Variants in PLD1 observed in about 807,000 individuals in gnomAD.
PLD1 encodes the protein phospholipase D1.
Under a neutral mutation model 137.1 loss-of-function variants are expected in PLD1, and 112 were observed. The observed-to-expected ratio is 0.82, with a 90% CI of 0.70 to 0.96. The LOEUF (loss-of-function observed/expected upper bound fraction) is 0.96, where lower values mean the gene tolerates loss of function less well. PLD1 is among the 40% of genes least tolerant of loss of function. The pLI is 0.00. For synonymous variants in PLD1, 431 were observed against 454.7 expected (o/e 0.95, Z 0.66); for missense variants, 1,321 against 1,342.0 (o/e 0.98, Z 0.24).
At chr3:171,614,477 C>T (rs1276098264) in intron 24 of PLD1, among the ~76,000 whole-genome samples, 1 of 152,184 alleles carries the variant, frequency 6.6e-6, no homozygotes, top group Non-Finnish European at 1.5e-5. Context: ...CATGTGAAAG[C>T]ACTTAATGAT....
At chr3:171,675,264 T>C (rs1713234078) in intron 18 of PLD1, among the ~76,000 whole-genome samples, 1 of 152,184 alleles carries the variant, frequency 6.6e-6, no homozygotes, top group African/African-American at 2.4e-5. Flanking sequence ...TCTAGATATC[T>C]TGTCACAGCA....
At position 171,724,678 on chromosome 3, in the gene PLD1, A is replaced by G; in HGVS notation, c.758+18T>C. ...GTGTATTAAAACAAACAAATACACA[A>G]AACTCACTAATTCCTACCTTTTTGA... On this transcript the variant is annotated intron_variant, in intron 8 of 26. Transcript: ENST00000351298. 6.8e-7 allele frequency: 1 copy of G among 1,470,770 alleles called. No individual in the cohort carries two copies. The highest frequency in any genetic ancestry group is 9.5e-7 in the Non-Finnish European group (1 of 1,049,608). The allele number at this position is 1,470,770 out of a possible 1,614,324, so 91.1% of individuals were successfully genotyped here.
At chr3:171,763,870 T>C (rs1721624808) in intron 1 of PLD1, among the ~76,000 whole-genome samples, 1 of 145,332 alleles carries the variant, frequency 6.9e-6, no homozygotes, top group Non-Finnish European at 1.5e-5. Flanking sequence ...AGTCTTGCTC[T>C]GTCTCCATGC....
intron 11 of PLD1, among the ~76,000 whole-genome samples, chr3:171,706,164 A>G (rs1483597305): frequency 6.6e-6 from 1 of 151,636 alleles, no homozygotes; most frequent in Non-Finnish European, 1.5e-5. Context: ...CTATCTATCT[A>G]TCTACAACTG....
intron 21 of PLD1, chr3:171,653,868 C>T (rs762020083): frequency 3.4e-5 from 6 of 176,784 alleles, no homozygotes; most frequent in Non-Finnish European, 7.3e-5. Context: ...GAAGAAACAG[C>T]GTGTCAGAAG....
chr3:171,723,840 T>C (rs1375182907), intron 8 of PLD1, among the ~76,000 whole-genome samples: 1 of 152,160 alleles, frequency 6.6e-6, no homozygotes, highest in Non-Finnish European at 1.5e-5. Context: ...TCCTATAGAG[T>C]TCTTTCTGGT....
chr3:171,681,900 G>A (rs555961294), intron 16 of PLD1, among the ~76,000 whole-genome samples: 1 of 152,082 alleles, frequency 6.6e-6, no homozygotes, highest in East Asian at 1.9e-4. Context: ...CAACTAAATT[G>A]CAAAAATAAT....
rs368438811 is a variant in PLD1 at position 171,734,073 on chromosome 3, A to C, written c.541-564T>G. ...TCATATTGACCATGATGTAAAATCC[A>C]GCATGCTTTTGCTGAATCACTAAGT... On this transcript the variant is annotated intron_variant, in intron 5 of 26. Transcript: ENST00000351298. 2.6e-5 allele frequency among the ~76,000 whole-genome samples: 4 copies of C among 152,342 alleles called. No individual in the cohort carries two copies. The East Asian group carries it at 7.7e-4, about 29-fold the overall frequency.
At chr3:171,648,843 C>T (rs1305638401) in intron 21 of PLD1, among the ~76,000 whole-genome samples, 1 of 152,208 alleles carries the variant, frequency 6.6e-6, no homozygotes, top group Non-Finnish European at 1.5e-5. Flanking sequence ...CGTGAGCCAC[C>T]GCACCTGGCC....
intron 1 of PLD1, among the ~76,000 whole-genome samples, chr3:171,743,045 A>G (rs1173690121): frequency 6.6e-6 from 1 of 152,132 alleles, no homozygotes; most frequent in Non-Finnish European, 1.5e-5. Flanking sequence ...AGATCAAATG[A>G]CCTAGAATTG....
Position 171,709,994 on chromosome 3 carries a change from A to C in PLD1, c.912-285T>G, listed in dbSNP as rs77353010. ...TGAGGAGGATAAAGAAAGAGGGGTA[A>C]GGTGAGGTTCTATTTTTAAGTATTA... On this transcript the variant is annotated intron_variant, in intron 9 of 26. Transcript: ENST00000351298. Among the ~76,000 whole-genome samples the C allele has an allele frequency of 5.8e-3, 878 of 152,266 alleles. 7 individuals are homozygous for C. The highest frequency in any genetic ancestry group is 0.02 in the African/African-American group (844 of 41,560).
intron 10 of PLD1, 52 bp downstream of exon 10, chr3:171,709,507 GT>G: frequency 6.6e-7 from 1 of 1,509,478 alleles, no homozygotes; most frequent in Non-Finnish European, 9.2e-7. Flanking sequence ...TTAGGCCAGT[GT>G]AATATTAGAT....
At chr3:171,658,482 T>C (rs988890997) in intron 21 of PLD1, among the ~76,000 whole-genome samples, 2 of 151,990 alleles carry the variant, frequency 1.3e-5, no homozygotes, top group Non-Finnish European at 2.9e-5. Flanking sequence ...TAAAAAGAAA[T>C]GAAATACTGA....
intron 11 of PLD1, among the ~76,000 whole-genome samples, chr3:171,702,358 C>G (rs1172604295): frequency 2.0e-5 from 3 of 151,726 alleles, no homozygotes; most frequent in Non-Finnish European, 4.4e-5. Flanking sequence ...CATGGTGGCT[C>G]ATGTCTGTAG....
chr3:171,758,103 T>G (rs940763938), intron 1 of PLD1, among the ~76,000 whole-genome samples: 1 of 152,228 alleles, frequency 6.6e-6, no homozygotes, highest in African/African-American at 2.4e-5. Flanking sequence ...AGATGTTCAA[T>G]AAATGCTTCC....
chr3:171,623,213 A>G (rs1467647528), intron 23 of PLD1, among the ~76,000 whole-genome samples: 2 of 152,106 alleles, frequency 1.3e-5, no homozygotes, highest in African/African-American at 2.4e-5. Flanking sequence ...ACAAGTTCTC[A>G]TGGAGTTAGA....
intron 11 of PLD1, among the ~76,000 whole-genome samples, chr3:171,701,634 C>A (rs1307579352): frequency 6.6e-6 from 1 of 151,986 alleles, no homozygotes; most frequent in Non-Finnish European, 1.5e-5. Context: ...GAGGATAATG[C>A]ATAAAAAGAA....
Position 171,708,621 on chromosome 3 carries a change from G to A in PLD1, c.1145+134C>T. The stretch of plus-strand genomic sequence containing the variant: ...CCTTTCACTGAAGGCTTAGTCAACT[G>A]GTTGAGACCCTGGCCAAACCATCCA... On this transcript the variant is annotated intron_variant, in intron 11 of 26. Coordinates refer to ENST00000351298, the MANE Select transcript of PLD1 (RefSeq NM_002662.5). The A allele has an allele frequency of 1.3e-5, 7 of 558,720 alleles. No homozygotes were observed. The South Asian group carries it at 2.1e-4, about 17-fold the overall frequency. The allele number at this position is 558,720 out of a possible 1,614,324, so 34.6% of individuals were successfully genotyped here. A position where few individuals can be genotyped will look rare whatever the true frequency, so the allele number is the denominator to read the frequency against.
intron 16 of PLD1, among the ~76,000 whole-genome samples, chr3:171,678,599 T>C (rs905163255): frequency 4.6e-5 from 7 of 152,212 alleles, no homozygotes; most frequent in Admixed American, 4.6e-4. Flanking sequence ...ATGTGTTGAA[T>C]GAATAAATGG....
Sources: allele counts gnomAD v4.1 joint callset (sites outside exome capture counted in the v4.1 genomes callset), GRCh38; gene constraint gnomAD v4.1.1; transcripts MANE v1.5; gene names NCBI Gene and HGNC (gene_info 2026-07-23, HGNC 2026-07-21).